The following CSNK2A2IP variants were observed in gnomAD, a reference collection of about 807,000 sequenced individuals.
CSNK2A2IP encodes the protein casein kinase 2 subunit alpha' interacting protein, also known as casein kinase II subunit alpha'-interacting protein.
At chr3:88,359,632 T>C in the CSNK2A2IP span, among the ~76,000 whole-genome samples, 15 of 152,308 alleles carry the variant, frequency 9.8e-5, no homozygotes, top group South Asian at 3.1e-3. Flanking sequence ...CAATGGTCAT[T>C]CAGAAGCATA....
the CSNK2A2IP span, among the ~76,000 whole-genome samples, chr3:88,364,789 G>A: frequency 6.6e-6 from 1 of 152,100 alleles, no homozygotes; most frequent in Non-Finnish European, 1.5e-5. Context: ...ATTTATCTAT[G>A]TGGAAAATAC....
chr3:88,375,717 C>A, the CSNK2A2IP span, among the ~76,000 whole-genome samples: 1 of 151,746 alleles, frequency 6.6e-6, no homozygotes, highest in South Asian at 2.1e-4. Flanking sequence ...GAGAAGGAAG[C>A]AAATGATGTT....
the CSNK2A2IP span, among the ~76,000 whole-genome samples, chr3:88,395,631 T>C: frequency 6.6e-6 from 1 of 152,310 alleles, no homozygotes; most frequent in South Asian, 2.1e-4. Context: ...GCTTATACAT[T>C]TCTACAAAGA....
At chr3:88,465,534 C>A in the CSNK2A2IP span, 1 of 1,231,694 alleles carries the variant, frequency 8.1e-7, no homozygotes, top group South Asian at 4.1e-5. Flanking sequence ...CTCCACTGGG[C>A]TCCAATAAGA....
chr3:88,455,516 C>T, the CSNK2A2IP span, among the ~76,000 whole-genome samples: 20 of 151,832 alleles, frequency 1.3e-4, no homozygotes, highest in African/African-American at 4.6e-4. Context: ...TTTTGAGAAA[C>T]GTTTATTCAG....
the CSNK2A2IP span, among the ~76,000 whole-genome samples, chr3:88,371,990 T>A: frequency 5.2e-3 from 795 of 151,664 alleles, 9 homozygotes; most frequent in African/African-American, 0.018. Context: ...GAGTTTCCAA[T>A]AAACAAAAGT....
chr3:88,452,354 C>G, the CSNK2A2IP span, among the ~76,000 whole-genome samples: 3 of 152,004 alleles, frequency 2.0e-5, no homozygotes, highest in Non-Finnish European at 4.4e-5. Flanking sequence ...TTTTACAAAG[C>G]ATAATATTCT....
the CSNK2A2IP span, among the ~76,000 whole-genome samples, chr3:88,379,218 C>T: frequency 2.0e-5 from 3 of 151,976 alleles, no homozygotes; most frequent in African/African-American, 7.2e-5. Flanking sequence ...GAAAGCTCCC[C>T]GTGTGGCACA....
chr3:88,440,185 T>C, the CSNK2A2IP span, among the ~76,000 whole-genome samples: 1 of 152,180 alleles, frequency 6.6e-6, no homozygotes. Flanking sequence ...TTCTTATAAA[T>C]ATTTTTCCAT....
the CSNK2A2IP span, among the ~76,000 whole-genome samples, chr3:88,370,797 A>T: frequency 6.6e-6 from 1 of 151,780 alleles, no homozygotes. Flanking sequence ...GATGGAACCA[A>T]TTAGTCCCAA....
chr3:88,435,902 GTGTGCATTATATATATAATGCA>G, the CSNK2A2IP span, among the ~76,000 whole-genome samples: 1 of 15,506 alleles, frequency 6.4e-5, no homozygotes, highest in Non-Finnish European at 2.9e-4. Flanking sequence ...TGCACATTAT[GTGTGCATTATATATATAATGCA>G]CATTATGTGT....
At chr3:88,461,881 C>G in the CSNK2A2IP span, among the ~76,000 whole-genome samples, 134 of 152,094 alleles carry the variant, frequency 8.8e-4, no homozygotes, top group South Asian at 2.9e-3. Flanking sequence ...GCTGAGACTA[C>G]AGGTGCGAAT....
At chr3:88,437,923 ACTCT>A in the CSNK2A2IP span, among the ~76,000 whole-genome samples, 5 of 152,144 alleles carry the variant, frequency 3.3e-5, no homozygotes, top group Non-Finnish European at 5.9e-5. Flanking sequence ...ACAATACTGA[ACTCT>A]CTATTATCCT....
the CSNK2A2IP span, among the ~76,000 whole-genome samples, chr3:88,425,524 C>T: frequency 2.6e-5 from 4 of 151,992 alleles, no homozygotes; most frequent in African/African-American, 7.2e-5. Context: ...TTGGTGAATT[C>T]TGTTTTCTTG....
chr3:88,351,133 A>G, the CSNK2A2IP span, among the ~76,000 whole-genome samples: 619 of 152,294 alleles, frequency 4.1e-3, 5 homozygotes, highest in African/African-American at 0.014. Flanking sequence ...AAATGAAGAA[A>G]TACTCATCAC....
At chr3:88,446,910 C>A in the CSNK2A2IP span, among the ~76,000 whole-genome samples, 2 of 152,248 alleles carry the variant, frequency 1.3e-5, no homozygotes, top group African/African-American at 2.4e-5. Context: ...CTCATAGGAT[C>A]TGGCATCTTG....
the CSNK2A2IP span, among the ~76,000 whole-genome samples, chr3:88,361,732 T>A: frequency 6.6e-6 from 1 of 152,132 alleles, no homozygotes; most frequent in East Asian, 1.9e-4. Flanking sequence ...TTACTTTACC[T>A]CCTCTGTTAG....
the CSNK2A2IP span, among the ~76,000 whole-genome samples, chr3:88,360,473 A>G: frequency 3.3e-5 from 5 of 151,814 alleles, no homozygotes; most frequent in East Asian, 9.7e-4. Context: ...TCATGTAAGT[A>G]TAGTTACTTA....
the CSNK2A2IP span, among the ~76,000 whole-genome samples, chr3:88,429,756 TTTG>T: frequency 6.6e-6 from 1 of 151,984 alleles, no homozygotes; most frequent in Non-Finnish European, 1.5e-5. Context: ...TTGTTGTTGT[TTTG>T]TTTTGTTTTT....
Sources: gnomAD v4.1 joint callset for allele counts (sites outside exome capture counted in the v4.1 genomes callset) on GRCh38, gnomAD v4.1.1 for gene constraint, MANE v1.5 for transcripts, NCBI Gene and HGNC (gene_info 2026-07-23, HGNC 2026-07-21) for gene names.